Variants in SMARCC1 observed in about 807,000 individuals in gnomAD.
The protein encoded by SMARCC1 is SWI/SNF complex subunit SMARCC1.
SMARCC1 carries 43 observed loss-of-function variants against 147.4 expected under a neutral mutation model. The observed-to-expected ratio is 0.29, with a 90% CI of 0.23 to 0.38. The LOEUF is 0.38. SMARCC1 is among the 10% of genes least tolerant of loss of function. The pLI is 1.00. For synonymous variants in SMARCC1, 495 were observed against 484.4 expected (o/e 1.02, Z -0.29); for missense variants, 1,119 against 1,381.1 (o/e 0.81, Z 3.01).
At chr3:47,703,205 A>T (rs1377929712) in intron 10 of SMARCC1, among the ~76,000 whole-genome samples, 1 of 152,146 alleles carries the variant, frequency 6.6e-6, no homozygotes, top group Non-Finnish European at 1.5e-5. Flanking sequence ...AAGTGCTAGG[A>T]TTACAGGCAT....
At chr3:47,741,222 GAT>G (rs1239355314) in intron 3 of SMARCC1, among the ~76,000 whole-genome samples, 1 of 151,734 alleles carries the variant, frequency 6.6e-6, no homozygotes, top group African/African-American at 2.4e-5. Flanking sequence ...AGACGGAAGA[GAT>G]AGAAAACTTT....
intron 18 of SMARCC1, among the ~76,000 whole-genome samples, chr3:47,671,191 A>AC (rs2033495286): frequency 1.4e-5 from 2 of 147,546 alleles, no homozygotes; most frequent in Admixed American, 6.8e-5. Context: ...AAAAAAAAAA[A>AC]AAAAAAACAC....
intron 1 of SMARCC1, among the ~76,000 whole-genome samples, chr3:47,780,158 GTTTTTTTTTGTT>G (rs2035026398): frequency 1.9e-5 from 1 of 51,566 alleles, no homozygotes; most frequent in Non-Finnish European, 3.9e-5. Flanking sequence ...TGGGTCTTTG[GTTTTTTTTTGTT>G]TTTTTTTTTT....
In SMARCC1 at chr3:47,713,318, AAAATAAATAAAT is replaced by A. The variant is rs144722768; in HGVS notation, c.792+1085_792+1096del. Among the ~76,000 whole-genome samples the A allele has an allele frequency of 5.0e-3, 732 of 146,668 alleles. 4 individuals are homozygous for A. The highest frequency in any genetic ancestry group is 0.01 in the African/African-American group (408 of 39,316). On this transcript the variant is annotated intron_variant, in intron 8 of 27. Transcript: ENST00000254480. ...GGGCGACAGAGCCAGACTCCGTCTC[AAAATAAATAAAT>A]AAATAAATAAATAAATAAATAAATA...
At chr3:47,589,203 A>G (rs1452457843) in intron 27 of SMARCC1, among the ~76,000 whole-genome samples, 1 of 152,210 alleles carries the variant, frequency 6.6e-6, no homozygotes, top group Non-Finnish European at 1.5e-5. Context: ...GAAGCAACTC[A>G]TCCAGTGTGG....
chr3:47,777,100 T>G lies in SMARCC1; in HGVS notation c.196-4164A>C, dbSNP rs189642245. Among the ~76,000 whole-genome samples the G allele has an allele frequency of 9.5e-3, 1,434 of 151,060 alleles. 9 individuals are homozygous for G. The highest frequency in any genetic ancestry group is 0.015 in the Non-Finnish European group (1,049 of 67,708). ...CAGGTAAATATTTATTTTTTTTTTT[T>G]TGAGAGAGTCTTGCTCTGTCACCTA... is the stretch of plus-strand genomic sequence containing the variant. On this transcript the variant is annotated intron_variant, in intron 1 of 27. Coordinates refer to ENST00000254480, the MANE Select transcript of SMARCC1 (RefSeq NM_003074.4).
At chr3:47,683,855 T>TA (rs1230950495) in intron 14 of SMARCC1, among the ~76,000 whole-genome samples, 7 of 151,974 alleles carry the variant, frequency 4.6e-5, no homozygotes, top group Admixed American at 6.6e-5. Context: ...TTTATGTTTT[T>TA]AAAAAAACAA....
intron 26 of SMARCC1, among the ~76,000 whole-genome samples, chr3:47,607,704 T>C (rs1179352334): frequency 6.6e-6 from 1 of 152,102 alleles, no homozygotes; most frequent in African/African-American, 2.4e-5. Context: ...TAGTAAACAA[T>C]AGCCAACTCG....
rs748105884 is a variant in SMARCC1 at position 47,662,434 on chromosome 3, G to C, written c.2058C>G (p.Val686=). Residue 686 remains valine (V), a synonymous_variant, in exon 20 of 28, where the codon GTC becomes GTG. Coordinates refer to ENST00000254480, the MANE Select transcript of SMARCC1 (RefSeq NM_003074.4). ...ASLGPLAYQP[V]PFSQSGNPVM... is the part of the protein sequence containing the mutation. ...CTGGATTTCCTGACTGACTGAAGGG[G>C]ACAGGCTGGTAGGCCAAAGGCCCAA... 1 of 1,613,990 alleles carries C rather than the reference G, an allele frequency of 6.2e-7. No individual in the cohort carries two copies. Among genetic ancestry groups the C allele is most frequent in the East Asian group, 2.2e-5 (1 of 44,892 alleles).
intron 19 of SMARCC1, among the ~76,000 whole-genome samples, chr3:47,668,034 C>CAT (rs915763307): frequency 5.9e-5 from 9 of 151,846 alleles, no homozygotes; most frequent in Admixed American, 2.6e-4. Flanking sequence ...TAAATATGTG[C>CAT]ATATATATAT....
intron 22 of SMARCC1, among the ~76,000 whole-genome samples, chr3:47,636,650 G>A (rs1387241487): frequency 6.6e-6 from 1 of 152,116 alleles, no homozygotes; most frequent in Non-Finnish European, 1.5e-5. Context: ...GTACTCAGGA[G>A]ACTGAGGCAG....
chr3:47,595,177 G>C (rs1181510940), intron 26 of SMARCC1, among the ~76,000 whole-genome samples: 1 of 152,086 alleles, frequency 6.6e-6, no homozygotes, highest in Non-Finnish European at 1.5e-5. Context: ...TCACTTTTTG[G>C]CTACTATGAA....
chr3:47,689,255 C>A, intron 13 of SMARCC1, 132 bp downstream of exon 13: 1 of 666,624 alleles, frequency 1.5e-6, no homozygotes, highest in African/African-American at 1.8e-5. Context: ...AAACTAAAAA[C>A]AAAAAAAAAT....
At chr3:47,624,639 G>A (rs2032781305) in intron 24 of SMARCC1, among the ~76,000 whole-genome samples, 1 of 152,134 alleles carries the variant, frequency 6.6e-6, no homozygotes, top group Non-Finnish European at 1.5e-5. Flanking sequence ...TGCTACTGAG[G>A]TATGTGTTCT....
chr3:47,720,765 A>T, intron 6 of SMARCC1, 30 bp from the exon 7 acceptor site: 1 of 1,441,948 alleles, frequency 6.9e-7, no homozygotes, highest in Non-Finnish European at 9.6e-7. Context: ...AACTTTACTC[A>T]AACTGACAAA....
rs1185391515 is a variant in SMARCC1 at position 47,718,556 on chromosome 3, TA to T, written c.716+2109del. Among the ~76,000 whole-genome samples the T allele has an allele frequency of 8.6e-5, 13 of 151,490 alleles. No homozygotes were observed. In the East Asian group the frequency reaches 1.9e-3, roughly 23 times the overall value. ...ACGAGAAGTAGATAGAAGAAGAGGT[TA>T]AAAAAAAGTGGGGGGTAGGGGCAAG... On this transcript the variant is annotated intron_variant, in intron 7 of 27. Coordinates refer to ENST00000254480, the MANE Select transcript of SMARCC1 (RefSeq NM_003074.4).
At chr3:47,751,708 TA>T (rs1190085553) in intron 2 of SMARCC1, among the ~76,000 whole-genome samples, 1 of 151,774 alleles carries the variant, frequency 6.6e-6, no homozygotes, top group Non-Finnish European at 1.5e-5. Flanking sequence ...CTATATTATT[TA>T]AAAATAAAAA....
At chr3:47,772,793 A>G (rs2034930382) in intron 2 of SMARCC1, 24 bp downstream of exon 2, 7 of 1,595,462 alleles carry the variant, frequency 4.4e-6, no homozygotes, top group African/African-American at 1.3e-5. Context: ...GGATGCCCAA[A>G]TAACAGTAAG....
intron 21 of SMARCC1, among the ~76,000 whole-genome samples, chr3:47,655,352 T>C (rs1446824660): frequency 1.3e-5 from 2 of 151,052 alleles, no homozygotes; most frequent in African/African-American, 2.4e-5. Flanking sequence ...TGGGCTGTGA[T>C]CACGCCACCG....
Sources: allele counts gnomAD v4.1 joint callset (sites outside exome capture counted in the v4.1 genomes callset), GRCh38; gene constraint gnomAD v4.1.1; transcripts MANE v1.5; gene names NCBI Gene and HGNC (gene_info 2026-07-23, HGNC 2026-07-21).